TRAPPC9: variants seen among roughly 807,000 people sequenced by gnomAD.
TRAPPC9 encodes the protein IKK2 binding protein.
TRAPPC9 carries 83 observed loss-of-function variants against 124.0 expected under a neutral mutation model. That is an observed-to-expected ratio of 0.67 (90% CI 0.56 to 0.80). The LOEUF (loss-of-function observed/expected upper bound fraction) is 0.80, where lower values mean the gene tolerates loss of function less well. TRAPPC9 is among the 30% of genes least tolerant of loss of function. The pLI is 0.00. For missense variants in TRAPPC9, 1,302 were observed against 1,508.3 expected, an observed-to-expected ratio of 0.86 and a Z score of 2.27; for synonymous variants, 638 against 617.5, an observed-to-expected ratio of 1.03 and a Z score of -0.49.
chr8:140,049,366 C>T (rs1841828558), intron 17 of TRAPPC9, among the ~76,000 whole-genome samples: 1 of 152,124 alleles, frequency 6.6e-6, no homozygotes, highest in Admixed American at 6.5e-5. Flanking sequence ...AGCTGCAACC[C>T]AGGCTTACTC....
chr8:140,316,879 T>C (rs115734370), intron 9 of TRAPPC9, among the ~76,000 whole-genome samples: 1,881 of 152,334 alleles, frequency 0.012, 36 homozygotes, highest in African/African-American at 0.043. Flanking sequence ...AGACTTCTTA[T>C]TACTGATTCA....
At chr8:139,899,991 G>A (rs569189433) in intron 20 of TRAPPC9, among the ~76,000 whole-genome samples, 1 of 152,282 alleles carries the variant, frequency 6.6e-6, no homozygotes, top group East Asian at 1.9e-4. Context: ...CAGGCCAGGA[G>A]CAGGTGGAAA....
intron 4 of TRAPPC9, among the ~76,000 whole-genome samples, chr8:140,431,792 C>G (rs1379831312): frequency 1.3e-5 from 2 of 152,274 alleles, no homozygotes; most frequent in Middle Eastern, 3.4e-3. Context: ...TTTTCCATGA[C>G]ACCACAACAC....
chr8:140,160,166 G>A (rs1490492814), intron 17 of TRAPPC9, among the ~76,000 whole-genome samples: 1 of 152,178 alleles, frequency 6.6e-6, no homozygotes, highest in Non-Finnish European at 1.5e-5. Flanking sequence ...GAGAGGATGT[G>A]GAGAAATAGG....
intron 19 of TRAPPC9, 69 bp from the exon 20 acceptor site, chr8:139,910,369 C>A: frequency 6.9e-7 from 1 of 1,442,104 alleles, no homozygotes; most frequent in Non-Finnish European, 9.8e-7. Flanking sequence ...GTTGGAGAAT[C>A]AGCACATGCC....
chr8:139,992,843 T>C (rs533395007), intron 18 of TRAPPC9, among the ~76,000 whole-genome samples: 7 of 152,008 alleles, frequency 4.6e-5, no homozygotes, highest in South Asian at 2.1e-4. Context: ...CTGGGAAAAA[T>C]GACTATGCAG....
At chr8:140,280,017 T>C (rs1184135456) in intron 14 of TRAPPC9, among the ~76,000 whole-genome samples, 7 of 152,254 alleles carry the variant, frequency 4.6e-5, no homozygotes, top group Non-Finnish European at 1.0e-4. Context: ...ATCTCCTTTA[T>C]GAGCTCTCTC....
chr8:139,841,533 T>C (rs544913043), intron 21 of TRAPPC9, among the ~76,000 whole-genome samples: 1 of 152,320 alleles, frequency 6.6e-6, no homozygotes, highest in African/African-American at 2.4e-5. Flanking sequence ...ACTGTGCTCA[T>C]GGTCAACACA....
rs1229511309 is a variant in TRAPPC9, at chr8:140,018,346, C to T, written c.2699+5591G>A. ...GTGATTTTTTTTTTTTTTTTTGAGA[C>T]GGAGTCTCACTCTGTCACCCAGGCT... On this transcript the variant is annotated intron_variant, in intron 18 of 22. Transcript: ENST00000438773. Among the ~76,000 whole-genome samples the T allele has an allele frequency of 2.7e-4, 10 of 36,400 alleles. 1 individual carries two copies. The highest frequency in any genetic ancestry group is 9.8e-4 in the East Asian group (1 of 1,024). 23.9% of individuals were successfully genotyped at this position (36,400 alleles called of 152,430 possible).
At chr8:140,195,189 T>C (rs2062613902) in intron 17 of TRAPPC9, among the ~76,000 whole-genome samples, 1 of 149,392 alleles carries the variant, frequency 6.7e-6, no homozygotes, top group African/African-American at 2.5e-5. Flanking sequence ...ACCGAACAGA[T>C]CATACCTGTG....
intron 20 of TRAPPC9, among the ~76,000 whole-genome samples, chr8:139,895,977 G>A (rs577696606): frequency 4.1e-4 from 63 of 152,360 alleles, no homozygotes; most frequent in African/African-American, 1.4e-3. Flanking sequence ...GAGCAAGTCC[G>A]CCTGTGAGTA....
At chr8:140,069,205 T>C (rs1843016909) in intron 17 of TRAPPC9, among the ~76,000 whole-genome samples, 1 of 152,214 alleles carries the variant, frequency 6.6e-6, no homozygotes, top group Non-Finnish European at 1.5e-5. Flanking sequence ...CATATTCAAT[T>C]GAATGTTGCT....
rs368726098 is a variant in TRAPPC9 at position 139,848,514 on chromosome 8, GAT to G, written c.3055+37363_3055+37364del. 1.7e-3 allele frequency among the ~76,000 whole-genome samples: 263 copies of G among 150,720 alleles called. 2 individuals carry two copies. Among genetic ancestry groups the G allele is most frequent in the Middle Eastern group, 0.014 (4 of 288 alleles). On this transcript the variant is annotated intron_variant, in intron 21 of 22. Coordinates refer to ENST00000438773, the MANE Select transcript of TRAPPC9 (RefSeq NM_001160372.4). ...AGATATGGAATAAACATATATGTGA[GAT>G]ATATATATATATACACACACACACA... is the stretch of plus-strand genomic sequence containing the variant.
rs2060476687 is a variant in TRAPPC9, at chr8:140,097,643, T to C, written c.2557-73564A>G. 2 of 152,252 alleles carry C rather than the reference T, an allele frequency of 1.3e-5. No individual in the cohort carries two copies. The allele number at this position is 152,252 out of a possible 1,614,324, so 9.4% of individuals were successfully genotyped here. ...CGTGCCACAGTCGGCAGGATAAGAA[T>C]GCCCAGCTGGATCTTGGGGTGCACA... On this transcript the variant is annotated intron_variant, in intron 17 of 22. Transcript: ENST00000438773. The surrounding 1 kb of genome is among the most constrained non-coding windows in gnomAD (Gnocchi z 4.2).
chr8:140,394,079 C>A (rs562443775), intron 7 of TRAPPC9, among the ~76,000 whole-genome samples: 36 of 152,342 alleles, frequency 2.4e-4, no homozygotes, highest in African/African-American at 8.7e-4. Flanking sequence ...AAAATGTCCT[C>A]ACATTTTAAG....
intron 17 of TRAPPC9, among the ~76,000 whole-genome samples, chr8:140,070,319 CCTT>C (rs537778912): frequency 3.3e-5 from 5 of 152,144 alleles, no homozygotes; most frequent in Non-Finnish European, 7.3e-5. Flanking sequence ...TAACATGCAG[CCTT>C]CTTAAGACAT....
At chr8:139,884,720 A>G (rs1309857019) in intron 21 of TRAPPC9, among the ~76,000 whole-genome samples, 1 of 152,178 alleles carries the variant, frequency 6.6e-6, no homozygotes, top group African/African-American at 2.4e-5. Flanking sequence ...AAGCCTCCAG[A>G]GAACCAAACT....
Position 140,351,743 on chromosome 8 carries a change from C to T in TRAPPC9, c.1495+8307G>A, listed in dbSNP as rs561214633. On this transcript the variant is annotated intron_variant, in intron 9 of 22. Coordinates refer to ENST00000438773, the MANE Select transcript of TRAPPC9 (RefSeq NM_001160372.4). The stretch of plus-strand genomic sequence containing the variant: ...CAAGAGAGAGCCTGGAGCCAATGCC[C>T]CCTGCCAATACTCAGGGATGACTGT... 1.6e-3 allele frequency among the ~76,000 whole-genome samples: 250 copies of T among 152,294 alleles called. 2 individuals are homozygous for T. The highest frequency in any genetic ancestry group is 5.9e-3 in the African/African-American group (245 of 41,550).
chr8:140,411,335 C>T (rs1230253048), intron 5 of TRAPPC9, among the ~76,000 whole-genome samples: 1 of 152,108 alleles, frequency 6.6e-6, no homozygotes, highest in African/African-American at 2.4e-5. Context: ...ACAAAATGAA[C>T]CTAAAATATC....
Sources: gnomAD v4.1 joint callset for allele counts (sites outside exome capture counted in the v4.1 genomes callset) on GRCh38, gnomAD v4.1.1 for gene constraint, Gnocchi (gnomAD v3.1) non-coding constraint, MANE v1.5 for transcripts, NCBI Gene and HGNC (gene_info 2026-07-23, HGNC 2026-07-21) for gene names.